Variants in ELOVL6 observed in about 807,000 individuals in gnomAD.
ELOVL6 encodes very long chain fatty acid elongase 6.
In ELOVL6, 8 loss-of-function variants were observed where a neutral mutation model predicts 31.7. The observed-to-expected ratio is 0.25, with a 90% CI of 0.15 to 0.45. The LOEUF is 0.45. Among genes scored for constraint, ELOVL6 ranks in the 20% least tolerant of loss-of-function variants. The pLI, the probability that ELOVL6 is intolerant of heterozygous loss-of-function variation, is 1.00. For missense variants in ELOVL6, 126 were observed against 326.4 expected (o/e 0.39, Z 4.73); for synonymous variants, 101 against 117.7 (o/e 0.86, Z 0.92).
rs188818510 is a variant in ELOVL6 at position 110,088,220 on chromosome 4, G to T, written c.221+17277C>A. Among the ~76,000 whole-genome samples, 511 of 152,284 alleles carry T rather than the reference G, an allele frequency of 3.4e-3. 2 individuals carry two copies. Among genetic ancestry groups the T allele is most frequent in the African/African-American group, 0.012 (494 of 41,556 alleles). ...AGCCAAGCACAGAGCGCTAATTAGA[G>T]TATTGTAGCTTATACATTTTCCGGG... On this transcript the variant is annotated intron_variant, in intron 2 of 3. Coordinates refer to ENST00000302274, the MANE Select transcript of ELOVL6 (RefSeq NM_024090.3).
At chr4:110,183,810 CA>C (rs1301925449) in intron 1 of ELOVL6, among the ~76,000 whole-genome samples, 1 of 152,082 alleles carries the variant, frequency 6.6e-6, no homozygotes, top group Non-Finnish European at 1.5e-5. Context: ...GGGGAAATCC[CA>C]TCTCTACAAA....
chr4:110,123,567 G>A (rs964054017), intron 1 of ELOVL6, among the ~76,000 whole-genome samples: 2 of 152,190 alleles, frequency 1.3e-5, no homozygotes, highest in African/African-American at 4.8e-5. Flanking sequence ...GCAAGTTGGT[G>A]CAGGTGGAAA....
chr4:110,104,645 A>G (rs1021304377), intron 2 of ELOVL6, among the ~76,000 whole-genome samples: 2 of 152,230 alleles, frequency 1.3e-5, no homozygotes, highest in Non-Finnish European at 2.9e-5. Context: ...TAGTATATCT[A>G]CATTTACTCC....
chr4:110,047,818 A>G lies in ELOVL6; in HGVS notation c.*3520T>C, dbSNP rs1377322813. ...GGCAGGAGAATTGCTGGAACCTGGG[A>G]GGCGGAGGTTGCAGTGAGTCTAGAT... On this transcript the variant is annotated 3_prime_UTR_variant, in exon 4 of 4. Transcript: ENST00000302274. 1 of 135,730 alleles carries G rather than the reference A, an allele frequency of 7.4e-6. No homozygotes were observed. The highest frequency in any genetic ancestry group is 8.6e-5 in the Admixed American group (1 of 11,608). The allele number at this position is 135,730 out of a possible 1,614,324, so 8.4% of individuals were successfully genotyped here. A position where few individuals can be genotyped will look rare whatever the true frequency, so the allele number is the denominator to read the frequency against.
chr4:110,115,504 G>T (rs1240186221), intron 1 of ELOVL6, among the ~76,000 whole-genome samples: 1 of 152,162 alleles, frequency 6.6e-6, no homozygotes, highest in Non-Finnish European at 1.5e-5. Context: ...AGCATTTCGG[G>T]AGGCCAAGGT....
intron 1 of ELOVL6, among the ~76,000 whole-genome samples, chr4:110,181,742 A>C (rs191371279): frequency 3.3e-4 from 50 of 152,324 alleles, no homozygotes; most frequent in African/African-American, 1.2e-3. Context: ...GGAAGTCTAG[A>C]AGACTAGAAA....
intron 1 of ELOVL6, among the ~76,000 whole-genome samples, chr4:110,148,024 G>A (rs1458756622): frequency 6.7e-6 from 1 of 148,732 alleles, no homozygotes; most frequent in East Asian, 2.0e-4. Flanking sequence ...TGAGGCAGGA[G>A]AATCCGCCCA....
chr4:110,120,935 G>T lies in ELOVL6; in HGVS notation c.90-15307C>A, dbSNP rs576107240. Among the ~76,000 whole-genome samples the T allele has an allele frequency of 2.2e-4, 33 of 151,734 alleles. 1 individual carries two copies. In the South Asian group the frequency reaches 6.7e-3, roughly 31 times the overall value. On this transcript the variant is annotated intron_variant, in intron 1 of 3. Coordinates refer to ENST00000302274, the MANE Select transcript of ELOVL6 (RefSeq NM_024090.3). ...CCTGGCTTAGCCTCCCAAGTAGCTG[G>T]GATTACAGGCGCCTGCCACCACGCC...
At chr4:110,095,418 G>A (rs1756552674) in intron 2 of ELOVL6, among the ~76,000 whole-genome samples, 1 of 151,288 alleles carries the variant, frequency 6.6e-6, no homozygotes, top group Admixed American at 6.6e-5. Flanking sequence ...GGAGAAAGAG[G>A]TTGCAGTGAG....
intron 1 of ELOVL6, among the ~76,000 whole-genome samples, chr4:110,171,679 C>CTT (rs70956406): frequency 0.022 from 1,458 of 66,166 alleles, 120 homozygotes; most frequent in South Asian, 0.034. Context: ...ATAATATCCT[C>CTT]TTTTTTTTTT....
At chr4:110,104,296 A>G (rs1325599563) in intron 2 of ELOVL6, among the ~76,000 whole-genome samples, 5 of 152,242 alleles carry the variant, frequency 3.3e-5, no homozygotes, top group Non-Finnish European at 5.9e-5. Context: ...TTTATATTAT[A>G]GAGAATCATG....
chr4:110,125,181 T>A (rs1275088632), intron 1 of ELOVL6, among the ~76,000 whole-genome samples: 1 of 152,178 alleles, frequency 6.6e-6, no homozygotes, highest in Admixed American at 6.5e-5. Flanking sequence ...AATAAAGCCT[T>A]TGACTCCAAT....
At chr4:110,096,506 T>C (rs1756583993) in intron 2 of ELOVL6, among the ~76,000 whole-genome samples, 2 of 152,172 alleles carry the variant, frequency 1.3e-5, no homozygotes, top group South Asian at 4.1e-4. Flanking sequence ...AACTCCACTA[T>C]TACCTACTCA....
chr4:110,055,996 T>C (rs969267577), intron 3 of ELOVL6, among the ~76,000 whole-genome samples: 3 of 152,024 alleles, frequency 2.0e-5, no homozygotes, highest in Non-Finnish European at 4.4e-5. Flanking sequence ...TAGTGTGGAA[T>C]GAGTAGCATT....
At chr4:110,175,093 A>G (rs1025256485) in intron 1 of ELOVL6, among the ~76,000 whole-genome samples, 42 of 152,284 alleles carry the variant, frequency 2.8e-4, no homozygotes, top group Admixed American at 1.7e-3. Flanking sequence ...CAATCAAGAC[A>G]TAAGTATCGG....
intron 3 of ELOVL6, among the ~76,000 whole-genome samples, chr4:110,057,853 GGAAAA>G (rs1755035419): frequency 1.1e-5 from 1 of 90,922 alleles, no homozygotes; most frequent in South Asian, 3.4e-4. Flanking sequence ...TCTGTCTCAG[GGAAAA>G]AAAAAAAAAA....
At chr4:110,167,116 G>T (rs1383298698) in intron 1 of ELOVL6, among the ~76,000 whole-genome samples, 1 of 152,192 alleles carries the variant, frequency 6.6e-6, no homozygotes, top group East Asian at 1.9e-4. Flanking sequence ...AGACCAAACA[G>T]TCTGAATGCA....
intron 1 of ELOVL6, among the ~76,000 whole-genome samples, chr4:110,147,693 A>G (rs1758157455): frequency 6.6e-6 from 1 of 151,502 alleles, no homozygotes; most frequent in South Asian, 2.1e-4. Context: ...TGAGAGGCTG[A>G]GGTACGAGGA....
rs866984728 is a variant in ELOVL6 at position 110,084,341 on chromosome 4, T to C, written c.221+21156A>G. ...ATATAAATTTGATATATATCACATA[T>C]ATGATATATGATATATACCGCATAT... On this transcript the variant is annotated intron_variant, in intron 2 of 3. Coordinates refer to ENST00000302274, the MANE Select transcript of ELOVL6 (RefSeq NM_024090.3). Among the ~76,000 whole-genome samples, 10 of 123,252 alleles carry C rather than the reference T, an allele frequency of 8.1e-5. 2 individuals are homozygous for C. The highest frequency in any genetic ancestry group is 2.7e-4 in the Admixed American group (3 of 11,302). The allele number at this position is 123,252 out of a possible 152,430, so 80.9% of individuals were successfully genotyped here.
Sources: gnomAD v4.1 joint callset for allele counts (sites outside exome capture counted in the v4.1 genomes callset) on GRCh38, gnomAD v4.1.1 for gene constraint, MANE v1.5 for transcripts, NCBI Gene and HGNC (gene_info 2026-07-23, HGNC 2026-07-21) for gene names.